Variants in MAML2 observed in about 807,000 individuals in gnomAD.
MAML2 encodes mastermind like transcriptional coactivator 2, also known as mastermind-like protein 2.
In MAML2, 22 loss-of-function variants were observed where a neutral mutation model predicts 96.1. That is an observed-to-expected ratio of 0.23 (90% CI 0.16 to 0.33). The LOEUF (loss-of-function observed/expected upper bound fraction) is 0.33. Among genes scored for constraint, MAML2 ranks in the 10% least tolerant of loss-of-function variants. MAML2 has a pLI of 1.00. For missense variants in MAML2, 1,367 were observed against 1,392.4 expected (o/e 0.98, Z 0.29); for synonymous variants, 561 against 521.3 (o/e 1.08, Z -1.04).
chr11:96,257,487 T>C (rs1411268855), intron 1 of MAML2, among the ~76,000 whole-genome samples: 1 of 152,272 alleles, frequency 6.6e-6, no homozygotes, highest in African/African-American at 2.4e-5. Context: ...AGTAAATACA[T>C]GTCAAATTGA....
chr11:96,146,688 C>T (rs774421101), intron 1 of MAML2, among the ~76,000 whole-genome samples: 31 of 152,202 alleles, frequency 2.0e-4, no homozygotes, highest in Non-Finnish European at 4.4e-4. Flanking sequence ...CTACACTCCT[C>T]ATCCTACAAC....
chr11:96,030,212 G>A (rs542469799), intron 2 of MAML2, among the ~76,000 whole-genome samples: 1 of 152,026 alleles, frequency 6.6e-6, no homozygotes, highest in South Asian at 2.1e-4. Flanking sequence ...CTCCAGCCTG[G>A]GCAACAGAGT....
chr11:96,117,912 TTATA>T lies in MAML2; in HGVS notation c.514-24399_514-24396del, dbSNP rs1253559580. 2.0e-5 allele frequency among the ~76,000 whole-genome samples: 3 copies of T among 152,162 alleles called. No homozygotes were observed. In the South Asian group the frequency reaches 6.2e-4, roughly 31 times the overall value. ...CCCAGAAAGACTTCTGTTCTCTTCT[TTATA>T]TATATACAGATCAAAGACTTCCAAA... On this transcript the variant is annotated intron_variant, in intron 1 of 4. Transcript: ENST00000524717.
chr11:96,216,496 G>A (rs985691204), intron 1 of MAML2, among the ~76,000 whole-genome samples: 6 of 152,034 alleles, frequency 3.9e-5, no homozygotes, highest in African/African-American at 1.5e-4. Context: ...CATTAAATTT[G>A]TAGCTTTACA....
rs368979849 is a variant in MAML2, at chr11:96,128,325, C to A, written c.514-34808G>T. On this transcript the variant is annotated intron_variant, in intron 1 of 4. Transcript: ENST00000524717. ...AGGAAAATTGCTTGAACCTGGAAGG[C>A]GGAGGTTGCAGTGAGCCAAGATCAT... Among the ~76,000 whole-genome samples, 54 of 152,034 alleles carry A rather than the reference C, an allele frequency of 3.6e-4. 1 individual carries two copies. The highest frequency in any genetic ancestry group is 3.5e-4 in the Non-Finnish European group (24 of 68,024).
rs139511213 is a variant in MAML2 at position 96,338,545 on chromosome 11, C to G, written c.513+2838G>C. ...ACCCATGAAAGTCAACATTATCCCA[C>G]CAAACAGAAGTTGTCCTTTCACCTT... is the stretch of plus-strand genomic sequence containing the variant. On this transcript the variant is annotated intron_variant, in intron 1 of 4. Transcript: ENST00000524717. 6.4e-3 allele frequency among the ~76,000 whole-genome samples: 974 copies of G among 152,312 alleles called. 8 individuals are homozygous for G. The highest frequency in any genetic ancestry group is 8.8e-3 in the Non-Finnish European group (601 of 68,022).
At chr11:96,122,982 T>C (rs1462899567) in intron 1 of MAML2, among the ~76,000 whole-genome samples, 1 of 152,252 alleles carries the variant, frequency 6.6e-6, no homozygotes, top group Admixed American at 6.5e-5. Flanking sequence ...GGGACTGTAG[T>C]TGACTCATGG....
intron 1 of MAML2, among the ~76,000 whole-genome samples, chr11:96,239,838 AC>A (rs891019300): frequency 2.8e-4 from 42 of 152,148 alleles, no homozygotes; most frequent in African/African-American, 9.9e-4. Flanking sequence ...TCACCCCCTG[AC>A]CCCTTTCTCC....
chr11:96,081,580 A>C (rs1030167199), intron 2 of MAML2, among the ~76,000 whole-genome samples: 6 of 152,242 alleles, frequency 3.9e-5, no homozygotes, highest in Admixed American at 3.9e-4. Flanking sequence ...ACTCAGAGTT[A>C]AATGAGGGCT....
intron 2 of MAML2, among the ~76,000 whole-genome samples, chr11:96,036,231 C>A (rs562653473): frequency 6.6e-6 from 1 of 151,970 alleles, no homozygotes; most frequent in Non-Finnish European, 1.5e-5. Context: ...CACATACAAA[C>A]GGACATAATC....
At chr11:96,323,649 T>C (rs1029890211) in intron 1 of MAML2, among the ~76,000 whole-genome samples, 5 of 152,232 alleles carry the variant, frequency 3.3e-5, no homozygotes, top group African/African-American at 9.6e-5. Context: ...CCTGATGCAT[T>C]CCTTCATGGG....
chr11:96,129,545 C>A (rs1271428514), intron 1 of MAML2, among the ~76,000 whole-genome samples: 1 of 150,238 alleles, frequency 6.7e-6, no homozygotes. Flanking sequence ...GAAATCCACA[C>A]AAACTAAATC....
In MAML2 at chr11:96,092,035, G is replaced by C; in HGVS notation, c.1996C>G (p.Pro666Ala). The change falls in exon 2 of 5, where the codon CCA becomes GCA. Residue 666 changes from proline to alanine, a missense_variant. Pro to Ala is a conservative substitution (Grantham distance 27, BLOSUM62 -1). Transcript: ENST00000524717. This position sits in a 1 kb window ranked among gnomAD's most constrained non-coding sequence, Gnocchi z 4.1. The stretch of plus-strand genomic sequence containing the variant: ...AGAGATTGGGCAGGCTGAGAAGATG[G>C]TTGTTGCTGCTGCTGCTGCTGCTGT... ...QQQQQQQQQQ[P>A]SSQPAQSLPS... 6.4e-7 allele frequency: 1 copy of C among 1,560,370 alleles called. No individual in the cohort carries two copies. The highest frequency in any genetic ancestry group is 8.7e-7 in the Non-Finnish European group (1 of 1,151,916).
At chr11:95,993,790 T>C (rs749858633) in intron 2 of MAML2, among the ~76,000 whole-genome samples, 59 of 152,206 alleles carry the variant, frequency 3.9e-4, no homozygotes, top group Non-Finnish European at 4.6e-4. Flanking sequence ...GCTCACCAGC[T>C]GCCTCAAAAG....
At chr11:96,225,018 A>C (rs1025400329) in intron 1 of MAML2, among the ~76,000 whole-genome samples, 11 of 152,240 alleles carry the variant, frequency 7.2e-5, no homozygotes, top group African/African-American at 2.7e-4. Flanking sequence ...TTTAGAAAAC[A>C]TGCAATTCAT....
intron 1 of MAML2, among the ~76,000 whole-genome samples, chr11:96,240,265 C>T (rs537279778): frequency 6.6e-6 from 1 of 152,078 alleles, no homozygotes; most frequent in Admixed American, 6.5e-5. Flanking sequence ...TTTGTTTTTT[C>T]CATATTAAGA....
At chr11:96,317,702 G>C (rs988967758) in intron 1 of MAML2, among the ~76,000 whole-genome samples, 4 of 152,224 alleles carry the variant, frequency 2.6e-5, no homozygotes, top group Non-Finnish European at 4.4e-5. Context: ...CTGTGGCAGG[G>C]AGCAGCTCCT....
intron 1 of MAML2, among the ~76,000 whole-genome samples, chr11:96,253,875 G>A (rs1055526971): frequency 6.6e-6 from 1 of 152,148 alleles, no homozygotes; most frequent in African/African-American, 2.4e-5. Context: ...TACTGTGACT[G>A]CTCCAGATAG....
intron 2 of MAML2, among the ~76,000 whole-genome samples, chr11:96,002,450 G>A (rs539798474): frequency 1.6e-4 from 25 of 152,252 alleles, no homozygotes; most frequent in African/African-American, 6.0e-4. Flanking sequence ...AGGACCTTTG[G>A]CAAATAGAAT....
Sources: gnomAD v4.1 joint callset for allele counts (sites outside exome capture counted in the v4.1 genomes callset) on GRCh38, gnomAD v4.1.1 for gene constraint, Gnocchi (gnomAD v3.1) non-coding constraint, MANE v1.5 for transcripts, NCBI Gene and HGNC (gene_info 2026-07-23, HGNC 2026-07-21) for gene names.